CCSER1: variants seen among roughly 807,000 people sequenced by gnomAD.
CCSER1 encodes coiled-coil serine rich protein 1, also known as serine-rich coiled-coil domain-containing protein 1.
Under a neutral mutation model 82.0 loss-of-function variants are expected in CCSER1, and 41 were observed. The ratio of observed to expected loss-of-function variants is 0.50; its 90% CI spans 0.39 to 0.65. CCSER1 has a LOEUF of 0.65. CCSER1 is among the 30% of genes least tolerant of loss of function. The probability of loss-of-function intolerance (pLI) is 0.00; values close to 1 mark genes in which losing one functional copy is unlikely to be tolerated. For missense variants in CCSER1, 1,119 were observed against 1,064.2 expected (o/e 1.05, Z -0.72); for synonymous variants, 414 against 383.9 (o/e 1.08, Z -0.92).
intron 10 of CCSER1, among the ~76,000 whole-genome samples, chr4:91,369,519 T>TTAC (rs1230999615): frequency 1.3e-5 from 2 of 152,178 alleles, no homozygotes; most frequent in African/African-American, 4.8e-5. Context: ...ACATCTCACT[T>TTAC]TACTATATGT....
chr4:90,937,653 A>G (rs1731119212), intron 9 of CCSER1, among the ~76,000 whole-genome samples: 1 of 152,140 alleles, frequency 6.6e-6, no homozygotes, highest in African/African-American at 2.4e-5. Context: ...TATTCCATCA[A>G]CACTGATTCA....
chr4:90,456,302 C>T (rs1287814969), intron 4 of CCSER1, among the ~76,000 whole-genome samples: 4 of 152,180 alleles, frequency 2.6e-5, no homozygotes, highest in Non-Finnish European at 5.9e-5. Flanking sequence ...CTGATTTACA[C>T]TTCTGATGAC....
intron 6 of CCSER1, among the ~76,000 whole-genome samples, chr4:90,670,340 G>T (rs1048442313): frequency 6.6e-6 from 1 of 152,096 alleles, no homozygotes; most frequent in East Asian, 1.9e-4. Context: ...GATAAAGGGA[G>T]TGAGGGAAGT....
chr4:90,433,453 A>G (rs1578441854), intron 4 of CCSER1, among the ~76,000 whole-genome samples: 1 of 152,230 alleles, frequency 6.6e-6, no homozygotes. Context: ...GACTCTTAAG[A>G]GTCCCCAAGA....
Position 90,984,085 on chromosome 4 carries a change from A to G in CCSER1, c.2172+60638A>G, listed in dbSNP as rs1027194221. On this transcript the variant is annotated intron_variant, in intron 9 of 10. Coordinates refer to ENST00000509176, the MANE Select transcript of CCSER1 (RefSeq NM_001145065.2). ...CCATTATTGGTTGGATTAATGCTCA[A>G]ATGAATAAGTACTTGCTGAATTGAA... Among the ~76,000 whole-genome samples the G allele has an allele frequency of 9.9e-5, 15 of 151,908 alleles. No homozygotes were observed. The East Asian group carries it at 1.4e-3, about 14-fold the overall frequency.
intron 10 of CCSER1, among the ~76,000 whole-genome samples, chr4:91,297,366 TGTGTG>T (rs1744270289): frequency 2.2e-5 from 2 of 90,368 alleles, no homozygotes; most frequent in South Asian, 7.4e-4. Flanking sequence ...AATGGATGCT[TGTGTG>T]TGTGTGTGTG....
At chr4:90,755,340 A>G (rs1749334847) in intron 7 of CCSER1, among the ~76,000 whole-genome samples, 1 of 152,096 alleles carries the variant, frequency 6.6e-6, no homozygotes, top group South Asian at 2.1e-4. Context: ...ATTTTCCCAT[A>G]TTTCCATTAC....
At chr4:91,006,332 A>T (rs924940261) in intron 9 of CCSER1, among the ~76,000 whole-genome samples, 1 of 151,380 alleles carries the variant, frequency 6.6e-6, no homozygotes, top group African/African-American at 2.4e-5. Context: ...TAATTTCTGT[A>T]GGTTAATTTT....
At chr4:91,429,978 G>C (rs1754199266) in intron 10 of CCSER1, among the ~76,000 whole-genome samples, 2 of 151,722 alleles carry the variant, frequency 1.3e-5, no homozygotes, top group Non-Finnish European at 2.9e-5. Context: ...CACTTCACTA[G>C]CAATGTGTTT....
At chr4:90,432,799 TA>T (rs1168319084) in intron 4 of CCSER1, among the ~76,000 whole-genome samples, 1 of 152,102 alleles carries the variant, frequency 6.6e-6, no homozygotes, top group African/African-American at 2.4e-5. Context: ...CAATGAACAT[TA>T]AAAACCAAGA....
intron 8 of CCSER1, among the ~76,000 whole-genome samples, chr4:90,822,720 T>A (rs1580649388): frequency 1.0e-5 from 1 of 97,206 alleles, no homozygotes; most frequent in African/African-American, 4.5e-5. Flanking sequence ...AGAGTGAGAC[T>A]CCATCTCAAA....
intron 10 of CCSER1, among the ~76,000 whole-genome samples, chr4:91,484,165 T>A (rs2110053735): frequency 6.6e-6 from 1 of 152,226 alleles, no homozygotes; most frequent in South Asian, 2.1e-4. Flanking sequence ...CCAGTCTTAA[T>A]ATTTAATCAC....
At chr4:91,242,317 A>G (rs528195141) in intron 10 of CCSER1, among the ~76,000 whole-genome samples, 1 of 152,252 alleles carries the variant, frequency 6.6e-6, no homozygotes, top group Non-Finnish European at 1.5e-5. Flanking sequence ...ATTCATGGAG[A>G]ATGCACTGTA....
intron 7 of CCSER1, among the ~76,000 whole-genome samples, chr4:90,745,665 C>G (rs2149458730): frequency 6.9e-6 from 1 of 143,990 alleles, no homozygotes; most frequent in Non-Finnish European, 1.5e-5. Context: ...ATTACACAAG[C>G]TATTTCTTTT....
At chr4:91,592,170 AACTT>A (rs1764299438) in intron 10 of CCSER1, among the ~76,000 whole-genome samples, 1 of 152,286 alleles carries the variant, frequency 6.6e-6, no homozygotes, top group East Asian at 1.9e-4. Context: ...TGACTTAGAA[AACTT>A]ACTTACAATC....
At chr4:91,501,739 C>A (rs1460700135) in intron 10 of CCSER1, among the ~76,000 whole-genome samples, 1 of 151,996 alleles carries the variant, frequency 6.6e-6, no homozygotes, top group African/African-American at 2.4e-5. Context: ...TAGATAACAA[C>A]ATCAACAAGA....
chr4:90,831,763 G>T (rs559513842), intron 8 of CCSER1, among the ~76,000 whole-genome samples: 1 of 151,966 alleles, frequency 6.6e-6, no homozygotes, highest in South Asian at 2.1e-4. Flanking sequence ...CTAAATATTA[G>T]GTAAAATTTA....
At chr4:91,333,156 C>A (rs546609842) in intron 10 of CCSER1, among the ~76,000 whole-genome samples, 4 of 151,970 alleles carry the variant, frequency 2.6e-5, no homozygotes, top group African/African-American at 9.6e-5. Flanking sequence ...TCCAAGTGTG[C>A]ATGTTTTTAT....
At chr4:91,592,241 G>C (rs1181270026) in intron 10 of CCSER1, among the ~76,000 whole-genome samples, 1 of 152,128 alleles carries the variant, frequency 6.6e-6, no homozygotes, top group African/African-American at 2.4e-5. Flanking sequence ...AAGAATTGCT[G>C]AGCAAAGGGG....
Sources: gnomAD v4.1 joint callset for allele counts (sites outside exome capture counted in the v4.1 genomes callset) on GRCh38, gnomAD v4.1.1 for gene constraint, MANE v1.5 for transcripts, NCBI Gene and HGNC (gene_info 2026-07-23, HGNC 2026-07-21) for gene names.